ARRB1: variants seen among roughly 807,000 people sequenced by gnomAD.
ARRB1 encodes arrestin beta 1, also known as beta-arrestin-1.
A neutral mutation model predicts 56.8 loss-of-function variants in ARRB1; 21 were observed. The observed-to-expected ratio is 0.37, with a 90% CI of 0.26 to 0.53. The LOEUF is 0.53. Among genes scored for constraint, ARRB1 ranks in the 20% least tolerant of loss-of-function variants. The pLI is 0.88. For synonymous variants in ARRB1, 210 were observed against 218.6 expected, an observed-to-expected ratio of 0.96 and a Z score of 0.35; for missense variants, 424 against 553.7, an observed-to-expected ratio of 0.77 and a Z score of 2.35.
At chr11:75,344,431 A>G (rs1245750555) in intron 1 of ARRB1, among the ~76,000 whole-genome samples, 1 of 152,208 alleles carries the variant, frequency 6.6e-6, no homozygotes, top group Non-Finnish European at 1.5e-5. Flanking sequence ...TCACACAGCA[A>G]TAAGTAAGCA....
chr11:75,291,795 G>T (rs1219142991), intron 1 of ARRB1, among the ~76,000 whole-genome samples: 1 of 152,228 alleles, frequency 6.6e-6, no homozygotes, highest in Non-Finnish European at 1.5e-5. Context: ...GGCTAAAACA[G>T]CCATGGACAG....
In ARRB1 at chr11:75,278,659, A is replaced by G; in HGVS notation, c.568T>C (p.Phe190Leu). The G allele has an allele frequency of 1.2e-6, 2 of 1,614,164 alleles. No homozygotes were observed. ...TGCAAGGGCTTGTCCGACATGAGGA[A>G]CTGCCTGGTGGTCTCGGCTGTGGGC... The part of the protein sequence containing the change: ...PQPTAETTRQ[F>L]LMSDKPLHLE... The change falls in exon 8 of 16, where the codon TTC (phenylalanine) becomes CTC (leucine). Residue 190 changes from phenylalanine (F) to leucine (L), a missense_variant. Physicochemically the swap from Phe to Leu is conservative, Grantham distance 22. Around this residue, in one of 3 missense-constraint regions of ARRB1, gnomAD observed 301 missense variants for 387.9 expected, o/e 0.78. Coordinates refer to ENST00000420843, the MANE Select transcript of ARRB1 (RefSeq NM_004041.5).
At chr11:75,342,725 G>T (rs538159617) in intron 1 of ARRB1, among the ~76,000 whole-genome samples, 4 of 152,180 alleles carry the variant, frequency 2.6e-5, no homozygotes, top group Non-Finnish European at 5.9e-5. Flanking sequence ...TCCAGAGGCC[G>T]GGAGAGAATG....
intron 1 of ARRB1, among the ~76,000 whole-genome samples, chr11:75,349,836 C>T (rs988340789): frequency 2.0e-5 from 3 of 152,182 alleles, no homozygotes; most frequent in Non-Finnish European, 2.9e-5. Context: ...TTCTGCCGTC[C>T]CCCCCAAAGC....
At chr11:75,306,579 A>AT in intron 1 of ARRB1, 2 of 1,287,324 alleles carry the variant, frequency 1.6e-6, no homozygotes, top group Non-Finnish European at 2.0e-6. Flanking sequence ...GAGCCCAAAG[A>AT]TTCAGTGGAG....
At chr11:75,313,423 G>C (rs1947205068) in intron 1 of ARRB1, among the ~76,000 whole-genome samples, 1 of 152,224 alleles carries the variant, frequency 6.6e-6, no homozygotes, top group Non-Finnish European at 1.5e-5. Flanking sequence ...TAAGGTTGGG[G>C]GCCCCTCAGC....
intron 1 of ARRB1, among the ~76,000 whole-genome samples, chr11:75,336,406 TCCAGA>T (rs1947603651): frequency 6.6e-6 from 1 of 152,070 alleles, no homozygotes; most frequent in Non-Finnish European, 1.5e-5. Context: ...TGCTAGGCCT[TCCAGA>T]CCCTTCTGCT....
chr11:75,316,234 G>T (rs1414323959), intron 1 of ARRB1, among the ~76,000 whole-genome samples: 1 of 152,076 alleles, frequency 6.6e-6, no homozygotes, highest in African/African-American at 2.4e-5. Context: ...GGCTGAGGCG[G>T]GAGAATTGCT....
intron 1 of ARRB1, among the ~76,000 whole-genome samples, chr11:75,304,412 T>C (rs1467208085): frequency 6.6e-6 from 1 of 151,840 alleles, no homozygotes; most frequent in African/African-American, 2.4e-5. Context: ...AGGTGCCAGC[T>C]TTTTCCAGGG....
chr11:75,267,964 C>A (rs1407503297), intron 14 of ARRB1, among the ~76,000 whole-genome samples: 1 of 152,220 alleles, frequency 6.6e-6, no homozygotes, highest in Non-Finnish European at 1.5e-5. Context: ...ACTTCTGTTT[C>A]TTTTGACAGG....
intron 15 of ARRB1, 50 bp from the exon 16 acceptor site, chr11:75,266,324 G>T: frequency 6.7e-7 from 1 of 1,503,172 alleles, no homozygotes. Context: ...GGCAGGGAGA[G>T]TAGGCTTATC....
intron 1 of ARRB1, among the ~76,000 whole-genome samples, chr11:75,317,893 C>T (rs1045553899): frequency 9.9e-5 from 15 of 152,254 alleles, no homozygotes; most frequent in African/African-American, 3.1e-4. Flanking sequence ...GGACCAGCAC[C>T]GAGGACTAGC....
intron 13 of ARRB1, among the ~76,000 whole-genome samples, chr11:75,270,403 G>T (rs1478040662): frequency 3.9e-5 from 6 of 152,182 alleles, no homozygotes; most frequent in African/African-American, 1.4e-4. Flanking sequence ...GCCGAGGCGG[G>T]TGGATCATGA....
intron 2 of ARRB1, among the ~76,000 whole-genome samples, chr11:75,287,911 G>A (rs1946520124): frequency 6.6e-6 from 1 of 151,992 alleles, no homozygotes; most frequent in African/African-American, 2.4e-5. Context: ...TGCCCGGCCT[G>A]GAGTGCAATG....
chr11:75,351,144 T>C (rs1379166895), intron 1 of ARRB1, among the ~76,000 whole-genome samples: 2 of 152,194 alleles, frequency 1.3e-5, no homozygotes, highest in African/African-American at 4.8e-5. Context: ...TTGTGAGCTG[T>C]GCATGCCAAC....
intron 6 of ARRB1, 81 bp from the exon 7 acceptor site, chr11:75,281,223 A>C (rs746168): frequency 0.18 from 238,198 of 1,347,400 alleles, 23,761 homozygotes; most frequent in African/African-American, 0.41. Context: ...CTCATTTTAC[A>C]AACGAGGACA....
At chr11:75,340,567 G>A (rs372092042) in intron 1 of ARRB1, among the ~76,000 whole-genome samples, 1 of 152,222 alleles carries the variant, frequency 6.6e-6, no homozygotes, top group Non-Finnish European at 1.5e-5. Flanking sequence ...GGGGCTGGGG[G>A]TCTTTCTTCT....
intron 1 of ARRB1, among the ~76,000 whole-genome samples, chr11:75,316,981 G>A (rs554600576): frequency 7.9e-5 from 12 of 152,232 alleles, no homozygotes; most frequent in Admixed American, 1.3e-4. Context: ...CAGAAGAATC[G>A]TTTGAACCCG....
intron 1 of ARRB1, among the ~76,000 whole-genome samples, chr11:75,320,273 G>A (rs1947325702): frequency 6.6e-6 from 1 of 152,182 alleles, no homozygotes; most frequent in Admixed American, 6.5e-5. Context: ...GGTGGGGAGG[G>A]GGCTGGAGTG....
Sources: allele counts gnomAD v4.1 joint callset (sites outside exome capture counted in the v4.1 genomes callset), GRCh38; gene constraint gnomAD v4.1.1; regional missense constraint gnomAD v4.1.1; transcripts MANE v1.5; gene names NCBI Gene and HGNC (gene_info 2026-07-23, HGNC 2026-07-21).